ELP1: variants seen among roughly 807,000 people sequenced by gnomAD.
ELP1 encodes the protein elongator complex protein 1.
In ELP1, 131 loss-of-function variants were observed where a neutral mutation model predicts 183.2. The ratio of observed to expected loss-of-function variants is 0.72; its 90% CI spans 0.62 to 0.83. The LOEUF (loss-of-function observed/expected upper bound fraction) is 0.83. ELP1 is among the 40% of genes least tolerant of loss of function. The probability of loss-of-function intolerance (pLI) is 0.00; values close to 1 mark genes in which losing one functional copy is unlikely to be tolerated. For synonymous variants in ELP1, 555 were observed against 569.0 expected (o/e 0.98, Z 0.35); for missense variants, 1,550 against 1,594.9 (o/e 0.97, Z 0.48).
At chr9:108,876,404 G>A (rs7874795) in intron 35 of ELP1, among the ~76,000 whole-genome samples, 62,230 of 151,988 alleles carry the variant, frequency 0.41, 15,134 homozygotes, top group African/African-American at 0.69. Flanking sequence ...TTATTTCAAC[G>A]GTTTGTAAAG....
rs752071786 is a variant in ELP1 at position 108,878,014 on chromosome 9, T to C, written c.3836A>G (p.Gln1279Arg). 1.9e-6 allele frequency: 3 copies of C among 1,614,094 alleles called. No homozygotes were observed. In the African/African-American group the frequency reaches 4.0e-5, roughly 22 times the overall value. ...SLPEIWTLTY[Q>R]QNSATPVLGP... is the part of the protein sequence containing the mutation. ...ACTTACCGGGGTAGCTGAATTCTGC[T>C]GGTAAGTAAGAGTCCAAATTTCTGG... Residue 1279 changes from glutamine to arginine, a missense_variant, in exon 35 of 37, where the codon CAG becomes CGG. Coordinates refer to ENST00000374647, the MANE Select transcript of ELP1 (RefSeq NM_003640.5).
At chr9:108,906,155 A>G in intron 14 of ELP1, 148 bp downstream of exon 14, 1 of 741,278 alleles carries the variant, frequency 1.3e-6, no homozygotes, top group Non-Finnish European at 2.3e-6. Context: ...GCTCATAACT[A>G]GACTTAACCT....
intron 6 of ELP1, among the ~76,000 whole-genome samples, chr9:108,919,848 G>C (rs1421467795): frequency 2.0e-5 from 3 of 152,176 alleles, no homozygotes; most frequent in African/African-American, 4.8e-5. Context: ...TCATTCTGCA[G>C]CATGACGGGA....
chr9:108,892,734 C>T (rs1473715873), intron 27 of ELP1, among the ~76,000 whole-genome samples: 1 of 152,018 alleles, frequency 6.6e-6, no homozygotes, highest in African/African-American at 2.4e-5. Context: ...AGACTTACAG[C>T]AGTAAGGTTG....
intron 31 of ELP1, among the ~76,000 whole-genome samples, chr9:108,881,390 T>G (rs1827924933): frequency 6.6e-6 from 1 of 152,226 alleles, no homozygotes; most frequent in South Asian, 2.1e-4. Flanking sequence ...ACAACATGAT[T>G]ATTAAATGCC....
intron 31 of ELP1, 57 bp from the exon 32 acceptor site, chr9:108,880,222 C>A: frequency 4.3e-6 from 5 of 1,173,176 alleles, no homozygotes; most frequent in Non-Finnish European, 5.1e-6. Flanking sequence ...AGAGAAAAAA[C>A]TAAAGGCGGG....
At chr9:108,882,282 T>TC in intron 29 of ELP1, 95 bp from the exon 30 acceptor site, 4 of 1,028,962 alleles carry the variant, frequency 3.9e-6, no homozygotes, top group Non-Finnish European at 6.0e-6. Flanking sequence ...TGCCTCTATC[T>TC]CCCTGGCCAG....
At chr9:108,895,972 T>C (rs1828529290) in intron 25 of ELP1, among the ~76,000 whole-genome samples, 1 of 152,106 alleles carries the variant, frequency 6.6e-6, no homozygotes, top group Non-Finnish European at 1.5e-5. Context: ...ACCATGTAAT[T>C]TTAGGCCGCA....
In ELP1 at chr9:108,897,271, G is replaced by C. The variant is rs201596987; in HGVS notation, c.2378C>G (p.Thr793Arg). Residue 793 changes from threonine (T) to arginine (R), a missense_variant, in exon 23 of 37, where the codon ACG becomes AGG. Transcript: ENST00000374647. ...AACTGGTGCAGGGTACATGGTCTTC[G>C]TGACATCTTCTTCTCTAAGAACAGG... Reference protein sequence around the residue: ...FFTELKEEDVTKTMYPAPVTS... With the variant: ...FFTELKEEDVRKTMYPAPVTS... The C allele has an allele frequency of 5.6e-6, 9 of 1,613,942 alleles. No homozygotes were observed. The highest frequency in any genetic ancestry group is 3.3e-5 in the Admixed American group (2 of 59,990).
rs543559678 is a variant in ELP1, at chr9:108,869,196, A to G, written c.3932-14T>C. 2 of 1,612,822 alleles carry G rather than the reference A, an allele frequency of 1.2e-6. No homozygotes were observed. Among genetic ancestry groups the G allele is most frequent in the Admixed American group, 3.3e-5 (2 of 60,022 alleles). ...AAAGCTCAGCATCTAAAAGCAAGAA[A>G]GGAAGGGAAATTGTGACAGACATAC... On this transcript the variant is annotated splice_polypyrimidine_tract_variant and intron_variant, in intron 36 of 36. Transcript: ENST00000374647.
At chr9:108,933,692 G>A (rs1830075651) in intron 1 of ELP1, among the ~76,000 whole-genome samples, 172 bp downstream of exon 1, 2 of 152,242 alleles carry the variant, frequency 1.3e-5, no homozygotes, top group Middle Eastern at 3.2e-3. Context: ...CGCCCCCGAT[G>A]GAGCAGGTGG....
intron 10 of ELP1, among the ~76,000 whole-genome samples, chr9:108,914,841 G>A (rs1227581257): frequency 6.6e-6 from 1 of 152,162 alleles, no homozygotes; most frequent in Non-Finnish European, 1.5e-5. Context: ...TAGCCAGGAT[G>A]GTCTCGATCT....
At chr9:108,911,681 C>T (rs1335985151) in intron 11 of ELP1, among the ~76,000 whole-genome samples, 4 of 151,112 alleles carry the variant, frequency 2.6e-5, no homozygotes, top group Admixed American at 1.3e-4. Flanking sequence ...GAAGCCAGTG[C>T]TCCCTTTCAT....
chr9:108,878,816 T>C, intron 33 of ELP1, 66 bp from the exon 34 acceptor site: 1 of 1,557,738 alleles, frequency 6.4e-7, no homozygotes, highest in Non-Finnish European at 8.8e-7. Context: ...ATGTGCTACC[T>C]TGCCTGGCTA....
intron 17 of ELP1, 42 bp downstream of exon 17, chr9:108,901,586 A>G (rs1423765802): frequency 6.2e-7 from 1 of 1,611,840 alleles, no homozygotes; most frequent in African/African-American, 1.3e-5. Flanking sequence ...ACTCGGAGCT[A>G]ACACTGTGAA....
chr9:108,931,266 G>A lies in ELP1; in HGVS notation c.-55-65C>T, dbSNP rs1829996477. 5.6e-6 allele frequency: 6 copies of A among 1,075,920 alleles called. No individual in the cohort carries two copies. The South Asian group carries it at 6.5e-5, about 12-fold the overall frequency. 66.6% of individuals were successfully genotyped at this position (1,075,920 alleles called of 1,614,324 possible). ...ATATTTATTTAAATGAAATGATTCAGGGGGTGAAGAAGTGGTAGTCAGAAT... is the reference window on the plus strand; with the variant it reads ...ATATTTATTTAAATGAAATGATTCAAGGGGTGAAGAAGTGGTAGTCAGAAT... On this transcript the variant is annotated intron_variant, in intron 1 of 36. Coordinates refer to ENST00000374647, the MANE Select transcript of ELP1 (RefSeq NM_003640.5).
chr9:108,909,750 T>C (rs933348245), intron 12 of ELP1, among the ~76,000 whole-genome samples: 14 of 152,194 alleles, frequency 9.2e-5, no homozygotes, highest in Admixed American at 2.6e-4. Context: ...CCCTGACCTA[T>C]GGCCAACCCC....
At position 108,904,058 on chromosome 9, in the gene ELP1, A is replaced by G. The variant is rs560058174; in HGVS notation, c.1644-389T>C. 6.9e-4 allele frequency among the ~76,000 whole-genome samples: 105 copies of G among 152,322 alleles called. 3 individuals are homozygous for G. The South Asian group carries it at 0.021, about 31-fold the overall frequency. ...GCCTTCATTAGACATGGATGGTACC[A>G]ATATCATTTCTGTCTGCTTAAAATA... On this transcript the variant is annotated intron_variant, in intron 14 of 36. Transcript: ENST00000374647.
intron 29 of ELP1, among the ~76,000 whole-genome samples, chr9:108,887,612 C>T (rs1203405911): frequency 3.9e-5 from 6 of 152,318 alleles, no homozygotes; most frequent in Middle Eastern, 3.4e-3. Flanking sequence ...CTTGAGATGA[C>T]TCTAGCCCTG....
Sources: allele counts gnomAD v4.1 joint callset (sites outside exome capture counted in the v4.1 genomes callset), GRCh38; gene constraint gnomAD v4.1.1; transcripts MANE v1.5; gene names NCBI Gene and HGNC (gene_info 2026-07-23, HGNC 2026-07-21).